Variants in CDC6 observed in about 807,000 individuals in gnomAD.
The protein encoded by CDC6 is cell division cycle 6.
Under a neutral mutation model 60.2 loss-of-function variants are expected in CDC6, and 46 were observed. The ratio of observed to expected loss-of-function variants is 0.76; its 90% CI spans 0.60 to 0.98. The LOEUF (loss-of-function observed/expected upper bound fraction) is 0.98, where lower values mean the gene tolerates loss of function less well. CDC6 is among the 50% of genes least tolerant of loss of function. The probability of loss-of-function intolerance (pLI) is 0.00; values close to 1 mark genes in which losing one functional copy is unlikely to be tolerated. For synonymous variants in CDC6, 210 were observed against 233.2 expected (o/e 0.90, Z 0.90); for missense variants, 596 against 652.9 (o/e 0.91, Z 0.95).
intron 9 of CDC6, among the ~76,000 whole-genome samples, chr17:40,299,758 A>G (rs1226187482): frequency 1.3e-5 from 2 of 151,928 alleles, no homozygotes; most frequent in Non-Finnish European, 2.9e-5. Context: ...AAAGAAAAAA[A>G]AAAAAAAAAA....
chr17:40,301,455 T>C lies in CDC6; in HGVS notation c.1453-13T>C. On this transcript the variant is annotated splice_polypyrimidine_tract_variant and intron_variant, in intron 10 of 11. Transcript: ENST00000209728. The stretch of plus-strand genomic sequence containing the variant: ...CTTTTAAGCAGCGTTTGTTCTCCCT[T>C]GTTTCCTACCAGTTATATGAAGCCT... 2.5e-6 allele frequency: 4 copies of C among 1,613,846 alleles called. No individual in the cohort carries two copies. The highest frequency in any genetic ancestry group is 3.4e-6 in the Non-Finnish European group (4 of 1,179,694).
intron 2 of CDC6, 105 bp downstream of exon 2, chr17:40,289,703 CT>C (rs34020648): frequency 0.14 from 44,067 of 321,304 alleles, no homozygotes; most frequent in South Asian, 0.19. Flanking sequence ...GTTAAGACTT[CT>C]TTTTTTTTTT....
rs2032956114 is a variant in CDC6 at position 40,302,581 on chromosome 17, C to G, written c.*580C>G. On this transcript the variant is annotated 3_prime_UTR_variant, in exon 12 of 12. Transcript: ENST00000209728. ...TGTTGGCCAGGCTGGTCTTGAACTC[C>G]TGACCCTCAAGTGATCTGCCCACCT... is the stretch of plus-strand genomic sequence containing the variant. 2 of 153,680 alleles carry G rather than the reference C, an allele frequency of 1.3e-5. No individual in the cohort carries two copies. The highest frequency in any genetic ancestry group is 4.8e-5 in the African/African-American group (2 of 41,448). 9.5% of individuals were successfully genotyped at this position (153,680 alleles called of 1,614,324 possible). A position where few individuals can be genotyped will look rare whatever the true frequency, so the allele number is the denominator to read the frequency against.
chr17:40,301,058 G>A (rs1451130953), intron 10 of CDC6, 28 bp downstream of exon 10: 1 of 1,489,088 alleles, frequency 6.7e-7, no homozygotes, highest in Non-Finnish European at 9.4e-7. Flanking sequence ...AGATGGAACG[G>A]AGGTAGAGAT....
At chr17:40,293,410 T>C (rs2143083606) in intron 4 of CDC6, 46 bp from the exon 5 acceptor site, 4 of 1,522,678 alleles carry the variant, frequency 2.6e-6, no homozygotes, top group Non-Finnish European at 3.6e-6. Flanking sequence ...CAGATCTTTA[T>C]TTTCTGAGGC....
intron 9 of CDC6, among the ~76,000 whole-genome samples, chr17:40,299,435 A>G (rs2143106113): frequency 6.6e-6 from 1 of 151,028 alleles, no homozygotes; most frequent in Non-Finnish European, 1.5e-5. Flanking sequence ...ACCCTCCTAT[A>G]GGCCCCAGTG....
intron 10 of CDC6, 101 bp downstream of exon 10, chr17:40,301,131 A>G (rs2032934514): frequency 1.2e-6 from 1 of 855,796 alleles, no homozygotes. Flanking sequence ...CTGATAATAA[A>G]TTTAAAATGG....
At chr17:40,291,381 C>CAAGGCTGATGACTCCAAATG in intron 3 of CDC6, 42 bp downstream of exon 3, 2 of 1,610,174 alleles carry the variant, frequency 1.2e-6, no homozygotes, top group Non-Finnish European at 1.7e-6. Flanking sequence ...CCATTGTAAC[C>CAAGGCTGATGACTCCAAATG]AAGGCTGATG....
At chr17:40,296,587 A>C in intron 8 of CDC6, 116 bp from the exon 9 acceptor site, 1 of 706,420 alleles carries the variant, frequency 1.4e-6, no homozygotes, top group Non-Finnish European at 2.6e-6. Flanking sequence ...CTACATGACC[A>C]TTGTTCATAG....
chr17:40,291,733 GTTTGTTTTGTTTTGT>G, intron 4 of CDC6, 65 bp downstream of exon 4: 8 of 1,506,866 alleles, frequency 5.3e-6, no homozygotes, highest in South Asian at 2.3e-5. Context: ...TTGTTTGTTT[GTTTGTTTTGTTTTGT>G]TTTGTTTTGT....
Position 40,294,371 on chromosome 17 carries a change from T to C in CDC6, c.951T>C (p.Ala317=), listed in dbSNP as rs2032826053. ...TGTTGATCTCCTCCTTAGGTATTGCTAATACCCTGGATCTCACAGATAGAA... is the reference window on the plus strand; with the variant it reads ...TGTTGATCTCCTCCTTAGGTATTGCCAATACCCTGGATCTCACAGATAGAA... ...SNSHLVLIGI[A]NTLDLTDRIL... is the part of the protein sequence containing the mutation. The change falls in exon 7 of 12, where the codon GCT becomes GCC. Residue 317 remains alanine, a synonymous_variant. Coordinates refer to ENST00000209728, the MANE Select transcript of CDC6 (RefSeq NM_001254.4). The C allele has an allele frequency of 1.2e-6, 2 of 1,605,026 alleles. No homozygotes were observed. The highest frequency in any genetic ancestry group is 1.7e-6 in the Non-Finnish European group (2 of 1,171,890).
intron 9 of CDC6, among the ~76,000 whole-genome samples, chr17:40,298,478 G>A (rs371766636): frequency 2.0e-5 from 3 of 150,956 alleles, no homozygotes; most frequent in East Asian, 3.9e-4. Flanking sequence ...TATGGCTGGT[G>A]CGATCATGGC....
At chr17:40,289,152 C>A in intron 1 of CDC6, 1 of 417,612 alleles carries the variant, frequency 2.4e-6, no homozygotes, top group Non-Finnish European at 4.5e-6. Context: ...AATAATAGTA[C>A]CTACTCCTAA....
chr17:40,299,309 G>C (rs755969699), intron 9 of CDC6, among the ~76,000 whole-genome samples: 25 of 151,318 alleles, frequency 1.7e-4, no homozygotes, highest in Non-Finnish European at 3.1e-4. Context: ...CACCACACCC[G>C]GCTGTTTTTT....
Position 40,289,571 on chromosome 17 carries a change from C to T in CDC6, c.151C>T (p.Leu51=). Residue 51 remains leucine (L), a synonymous_variant, in exon 2 of 12, where the codon CTG becomes TTG. Transcript: ENST00000209728. Reference sequence around the variant, plus strand: ...AACCTGTTCTCCTCGTGTAAAAGCCCTGCCTCTCAGCCCCAGGAAACGTCT... The same window carrying T: ...AACCTGTTCTCCTCGTGTAAAAGCCTTGCCTCTCAGCCCCAGGAAACGTCT... ...TVTCSPRVKA[L]PLSPRKRLGD... 1 of 1,614,104 alleles carries T rather than the reference C, an allele frequency of 6.2e-7. No homozygotes were observed. Among genetic ancestry groups the T allele is most frequent in the Non-Finnish European group, 8.5e-7 (1 of 1,180,000 alleles).
intron 1 of CDC6, chr17:40,289,205 C>A (rs2032711797): frequency 1.9e-6 from 1 of 526,582 alleles, no homozygotes; most frequent in Non-Finnish European, 3.4e-6. Flanking sequence ...TTTATAACAG[C>A]GCCCTTCCAC....
intron 9 of CDC6, 136 bp downstream of exon 9, chr17:40,296,903 GT>G (rs1567735890): frequency 1.4e-6 from 1 of 731,628 alleles, no homozygotes; most frequent in East Asian, 2.5e-5. Flanking sequence ...TTTTTAGTCC[GT>G]TTCGTCTACT....
chr17:40,296,574 A>G, intron 8 of CDC6, 129 bp from the exon 9 acceptor site: 2 of 681,308 alleles, frequency 2.9e-6, no homozygotes, highest in Non-Finnish European at 5.4e-6. Flanking sequence ...AAACCATGTT[A>G]GCCTACATGA....
rs533138014 is a variant in CDC6, at chr17:40,289,474, G to A, written c.54G>A (p.Lys18=). 10 of 1,613,942 alleles carry A rather than the reference G, an allele frequency of 6.2e-6. No homozygotes were observed. The African/African-American group carries it at 1.2e-4, about 19-fold the overall frequency. ...AQATISFPKR[K]LSRALNKAKN... is the part of the protein sequence containing the mutation. ...CTACAATCAGTTTTCCAAAAAGGAA[G>A]CTGTCTCGGGCATTGAACAAAGCTA... Residue 18 remains lysine (K), a synonymous_variant, in exon 2 of 12, where the codon AAG becomes AAA. Coordinates refer to ENST00000209728, the MANE Select transcript of CDC6 (RefSeq NM_001254.4).
Sources: allele counts gnomAD v4.1 joint callset (sites outside exome capture counted in the v4.1 genomes callset), GRCh38; gene constraint gnomAD v4.1.1; transcripts MANE v1.5; gene names NCBI Gene and HGNC (gene_info 2026-07-23, HGNC 2026-07-21).